Variants in SORBS2 observed in about 807,000 individuals in gnomAD.
The protein encoded by SORBS2 is sorbin and SH3 domain containing 2.
Under a neutral mutation model 97.7 loss-of-function variants are expected in SORBS2, and 46 were observed. The observed-to-expected ratio is 0.47, with a 90% CI of 0.37 to 0.60. The LOEUF is 0.60. Among genes scored for constraint, SORBS2 ranks in the 20% least tolerant of loss-of-function variants. The pLI is 0.00. For missense variants in SORBS2, 1,316 were observed against 1,282.3 expected (o/e 1.03, Z -0.40); for synonymous variants, 476 against 473.4 (o/e 1.01, Z -0.07).
chr4:185,845,136 C>A (rs117625359), intron 1 of SORBS2, among the ~76,000 whole-genome samples: 1 of 151,942 alleles, frequency 6.6e-6, no homozygotes, highest in Non-Finnish European at 1.5e-5. Context: ...CCTCAGCCCC[C>A]CTAGTACCTG....
At chr4:185,746,379 C>G (rs2098760680) in intron 2 of SORBS2, among the ~76,000 whole-genome samples, 1 of 152,120 alleles carries the variant, frequency 6.6e-6, no homozygotes, top group Non-Finnish European at 1.5e-5. Context: ...GGCAGTGGCA[C>G]CATCTTGGCT....
chr4:185,624,501 A>G lies in SORBS2; in HGVS notation c.635-7T>C, dbSNP rs745958319. 11 of 1,593,734 alleles carry G rather than the reference A, an allele frequency of 6.9e-6. No individual in the cohort carries two copies. In the African/African-American group the frequency reaches 1.3e-4, roughly 19 times the overall value. On this transcript the variant is annotated splice_region_variant and splice_polypyrimidine_tract_variant and intron_variant, in intron 6 of 14. Coordinates refer to ENST00000418609, the Ensembl canonical transcript of SORBS2. The stretch of plus-strand genomic sequence containing the variant: ...ATTTTGCTATCATCCCCACCTTTTA[A>G]TCCAGAGCAGCGTGGTAGAAGAGAG...
At chr4:185,701,131 T>C (rs1268892838) in intron 2 of SORBS2, among the ~76,000 whole-genome samples, 1 of 152,230 alleles carries the variant, frequency 6.6e-6, no homozygotes, top group Admixed American at 6.5e-5. Flanking sequence ...CTCAGTCTGA[T>C]CTTTATTAGC....
At chr4:185,924,884 A>T (rs1225515167) in intron 1 of SORBS2, among the ~76,000 whole-genome samples, 1 of 151,910 alleles carries the variant, frequency 6.6e-6, no homozygotes, top group African/African-American at 2.4e-5. Flanking sequence ...AAACCACTCC[A>T]TGTGTGTCCG....
rs140962478 is a variant in SORBS2 at position 185,640,565 on chromosome 4, G to A, written c.396+6103C>T. Among the ~76,000 whole-genome samples the A allele has an allele frequency of 3.3e-5, 5 of 152,164 alleles. No individual in the cohort carries two copies. The East Asian group carries it at 9.6e-4, about 29-fold the overall frequency. Reference sequence around the variant, plus strand: ...CACCTCAGAAGTAATAGTGAAATTGGTAGAGACAAAATATTCTAGTAACCA... The same window carrying A: ...CACCTCAGAAGTAATAGTGAAATTGATAGAGACAAAATATTCTAGTAACCA... On this transcript the variant is annotated intron_variant, in intron 4 of 14. Transcript: ENST00000418609.
intron 1 of SORBS2, among the ~76,000 whole-genome samples, chr4:185,788,815 C>G (rs538751491): frequency 6.6e-6 from 1 of 152,326 alleles, no homozygotes; most frequent in South Asian, 2.1e-4. Context: ...ATTGCAGAGC[C>G]TCCACCATTC....
chr4:185,666,013 C>T (rs924789043), intron 4 of SORBS2: 58 of 1,288,620 alleles, frequency 4.5e-5, no homozygotes, highest in African/African-American at 4.4e-4. Context: ...ATTATGCAGG[C>T]GTGAAGACCC....
chr4:185,838,247 C>T (rs2099209322), intron 1 of SORBS2, among the ~76,000 whole-genome samples: 1 of 152,252 alleles, frequency 6.6e-6, no homozygotes, highest in African/African-American at 2.4e-5. Flanking sequence ...CTGCAGTGGG[C>T]CTAGCTATAA....
intron 1 of SORBS2, among the ~76,000 whole-genome samples, chr4:185,906,366 C>T (rs183822827): frequency 6.6e-6 from 1 of 152,282 alleles, no homozygotes; most frequent in African/African-American, 2.4e-5. Context: ...TTGCTTTATG[C>T]ATCTCCAGAT....
chr4:185,949,738 G>C (rs1040859695), intron 1 of SORBS2, among the ~76,000 whole-genome samples: 1 of 152,100 alleles, frequency 6.6e-6, no homozygotes, highest in South Asian at 2.1e-4. Flanking sequence ...AGATGCAGGA[G>C]TCTAAACAAA....
At chr4:185,650,667 A>T (rs2097298409) in intron 2 of SORBS2, among the ~76,000 whole-genome samples, 1 of 152,230 alleles carries the variant, frequency 6.6e-6, no homozygotes, top group Non-Finnish European at 1.5e-5. Context: ...GTCCATGCAC[A>T]TTTCCACAGC....
rs555463645 is a variant in SORBS2, at chr4:185,620,510, T to C, written c.2216-359A>G. 9.2e-5 allele frequency among the ~76,000 whole-genome samples: 14 copies of C among 152,332 alleles called. 1 individual carries two copies. The South Asian group carries it at 2.7e-3, about 29-fold the overall frequency. On this transcript the variant is annotated intron_variant, in intron 7 of 14. Coordinates refer to ENST00000418609, the Ensembl canonical transcript of SORBS2. Reference sequence around the variant, plus strand: ...TTTCTATGCCTTTGCTTCTTATTTATAATTACTATTATAAGATTTACAGAG... The same window carrying C: ...TTTCTATGCCTTTGCTTCTTATTTACAATTACTATTATAAGATTTACAGAG...
At chr4:185,689,585 C>T (rs142891694) in intron 2 of SORBS2, among the ~76,000 whole-genome samples, 87 of 152,254 alleles carry the variant, frequency 5.7e-4, no homozygotes, top group African/African-American at 2.0e-3. Flanking sequence ...TGACTGCATC[C>T]CCAGGAGCCC....
At chr4:185,601,583 G>A (rs2096263359) in intron 12 of SORBS2, among the ~76,000 whole-genome samples, 1 of 152,126 alleles carries the variant, frequency 6.6e-6, no homozygotes, top group Non-Finnish European at 1.5e-5. Context: ...ATGTGTAAGA[G>A]CAATATATTT....
At chr4:185,808,696 C>A (rs1188176858) in intron 1 of SORBS2, among the ~76,000 whole-genome samples, 1 of 152,128 alleles carries the variant, frequency 6.6e-6, no homozygotes, top group Non-Finnish European at 1.5e-5. Flanking sequence ...AAAAGAAATG[C>A]TGCCATTGTA....
intron 2 of SORBS2, among the ~76,000 whole-genome samples, chr4:185,723,058 G>A (rs1270447225): frequency 6.6e-6 from 1 of 152,074 alleles, no homozygotes; most frequent in Non-Finnish European, 1.5e-5. Context: ...GCCTAGCACA[G>A]TGCCTGCACA....
chr4:185,943,403 C>T (rs756153767), intron 1 of SORBS2, among the ~76,000 whole-genome samples: 2 of 152,188 alleles, frequency 1.3e-5, no homozygotes, highest in African/African-American at 2.4e-5. Context: ...TGTGTGCCTC[C>T]AGATGTGATG....
chr4:185,923,728 A>G (rs958935398), intron 1 of SORBS2, among the ~76,000 whole-genome samples: 2 of 152,136 alleles, frequency 1.3e-5, no homozygotes, highest in Non-Finnish European at 2.9e-5. Flanking sequence ...TTGTAAATGA[A>G]AAAGACACAA....
intron 1 of SORBS2, among the ~76,000 whole-genome samples, chr4:185,863,744 A>G (rs2099225216): frequency 6.6e-6 from 1 of 152,194 alleles, no homozygotes; most frequent in Non-Finnish European, 1.5e-5. Context: ...TCACCTCCAA[A>G]GTGTGAAAAA....
Sources: gnomAD v4.1 joint callset for allele counts (sites outside exome capture counted in the v4.1 genomes callset) on GRCh38, gnomAD v4.1.1 for gene constraint, MANE v1.5 for transcripts, NCBI Gene and HGNC (gene_info 2026-07-23, HGNC 2026-07-21) for gene names.